The following CSMD1 variants were observed in gnomAD, a reference collection of about 807,000 sequenced individuals.
CSMD1 encodes the protein CUB and Sushi multiple domains 1, also known as CUB and sushi domain-containing protein 1.
CSMD1 carries 213 observed loss-of-function variants against 417.5 expected under a neutral mutation model. The ratio of observed to expected loss-of-function variants is 0.51; its 90% CI spans 0.46 to 0.57. The LOEUF (loss-of-function observed/expected upper bound fraction) is 0.57, where lower values mean the gene tolerates loss of function less well. Among genes scored for constraint, CSMD1 ranks in the 20% least tolerant of loss-of-function variants. The pLI is 0.00. For synonymous variants in CSMD1, 2,862 were observed against 1,736.8 expected (o/e 1.65, Z -16.11); for missense variants, 6,923 against 4,529.7 (o/e 1.53, Z -15.17).
chr8:4,491,283 G>A (rs986565410), intron 2 of CSMD1, among the ~76,000 whole-genome samples: 2 of 152,142 alleles, frequency 1.3e-5, no homozygotes, highest in Non-Finnish European at 2.9e-5. Flanking sequence ...AAGATCCCAA[G>A]AGGAGATGCC....
intron 3 of CSMD1, among the ~76,000 whole-genome samples, chr8:4,159,955 G>C (rs207468916): frequency 6.6e-6 from 1 of 151,996 alleles, no homozygotes; most frequent in African/African-American, 2.4e-5. Flanking sequence ...GGTGGGAGGG[G>C]GTGAGGGATA....
At chr8:4,227,456 G>A (rs938439195) in intron 3 of CSMD1, among the ~76,000 whole-genome samples, 1 of 152,060 alleles carries the variant, frequency 6.6e-6, no homozygotes, top group Non-Finnish European at 1.5e-5. Context: ...ATGACATTCA[G>A]AACAAGAAAA....
chr8:3,810,050 C>T (rs1287537794), intron 5 of CSMD1, among the ~76,000 whole-genome samples: 5 of 152,176 alleles, frequency 3.3e-5, no homozygotes, highest in Non-Finnish European at 5.9e-5. Flanking sequence ...TCCTCTGTCA[C>T]ACCTACATAT....
At chr8:4,358,735 G>GA (rs1801579294) in intron 3 of CSMD1, among the ~76,000 whole-genome samples, 1 of 149,768 alleles carries the variant, frequency 6.7e-6, no homozygotes, top group Non-Finnish European at 1.5e-5. Context: ...TATCTCTCAA[G>GA]ATAAGTGTAT....
At chr8:4,482,463 T>C (rs565538734) in intron 2 of CSMD1, among the ~76,000 whole-genome samples, 4 of 152,354 alleles carry the variant, frequency 2.6e-5, no homozygotes, top group Admixed American at 2.6e-4. Context: ...CCATGGTGTG[T>C]ATGTACCATA....
chr8:4,179,026 C>T (rs1028235083), intron 3 of CSMD1, among the ~76,000 whole-genome samples: 5 of 152,074 alleles, frequency 3.3e-5, no homozygotes, highest in Non-Finnish European at 1.5e-5. Flanking sequence ...ACATTCAATG[C>T]CATCCCCATC....
At chr8:3,409,639 A>C (rs762417923) in intron 12 of CSMD1, 34 bp from the exon 13 acceptor site, 31 of 1,487,516 alleles carry the variant, frequency 2.1e-5, no homozygotes, top group Middle Eastern at 1.9e-4. Flanking sequence ...CCCTTAAAAA[A>C]ACACACACAA....
intron 2 of CSMD1, among the ~76,000 whole-genome samples, chr8:4,572,637 G>C (rs1370193567): frequency 6.6e-6 from 1 of 152,146 alleles, no homozygotes; most frequent in Non-Finnish European, 1.5e-5. Flanking sequence ...GGTGTTCTCT[G>C]TATTTCCTGA....
chr8:3,141,235 C>G (rs1818420422), intron 41 of CSMD1, among the ~76,000 whole-genome samples: 1 of 152,070 alleles, frequency 6.6e-6, no homozygotes, highest in African/African-American at 2.4e-5. Context: ...CCTCATCATC[C>G]CCTGTGCGTC....
intron 5 of CSMD1, among the ~76,000 whole-genome samples, chr8:3,779,872 A>G (rs995296804): frequency 2.0e-5 from 3 of 152,174 alleles, no homozygotes; most frequent in African/African-American, 7.2e-5. Flanking sequence ...TATTTTGAAA[A>G]TTTAGTTTCA....
At chr8:3,443,794 G>A (rs936456186) in intron 12 of CSMD1, among the ~76,000 whole-genome samples, 2 of 152,188 alleles carry the variant, frequency 1.3e-5, no homozygotes, top group African/African-American at 2.4e-5. Context: ...GACATGAAGT[G>A]TAAACATGAA....
chr8:4,522,051 G>T (rs189340067), intron 2 of CSMD1, among the ~76,000 whole-genome samples: 68 of 152,288 alleles, frequency 4.5e-4, no homozygotes, highest in South Asian at 1.0e-3. Context: ...GTTTGGCTGT[G>T]TCCCCACCCA....
chr8:4,469,867 C>CT lies in CSMD1; in HGVS notation c.303-49803_303-49802insA, dbSNP rs1800422287. ...CCTACGTGATCTGGCCTTTGGTTTT[C>CT]CTTTTTTTTTTTTTATTTGAGACGG... On this transcript the variant is annotated intron_variant, in intron 2 of 69. Coordinates refer to ENST00000635120, the MANE Select transcript of CSMD1 (RefSeq NM_033225.6). 1.2e-4 allele frequency among the ~76,000 whole-genome samples: 17 copies of CT among 145,144 alleles called. No homozygotes were observed. The South Asian group carries it at 3.7e-3, about 32-fold the overall frequency.
At chr8:3,694,728 G>T (rs1183140755) in intron 7 of CSMD1, among the ~76,000 whole-genome samples, 1 of 151,868 alleles carries the variant, frequency 6.6e-6, no homozygotes, top group Non-Finnish European at 1.5e-5. Context: ...GGAGGAAGCA[G>T]GTGCCATTCT....
chr8:4,235,697 T>A lies in CSMD1; in HGVS notation c.415+184256A>T, dbSNP rs137997075. 2.2e-3 allele frequency among the ~76,000 whole-genome samples: 338 copies of A among 152,322 alleles called. 1 individual carries two copies. Among genetic ancestry groups the A allele is most frequent in the African/African-American group, 7.9e-3 (329 of 41,582 alleles). On this transcript the variant is annotated intron_variant, in intron 3 of 69. Coordinates refer to ENST00000635120, the MANE Select transcript of CSMD1 (RefSeq NM_033225.6). ...CTGTTGCCATGTTTTCCTGAAGAAT[T>A]TTATTTATTCTTGTGATATGTAAGT...
intron 3 of CSMD1, among the ~76,000 whole-genome samples, chr8:4,130,289 A>C (rs900193567): frequency 2.0e-5 from 3 of 152,186 alleles, no homozygotes; most frequent in Non-Finnish European, 4.4e-5. Flanking sequence ...TTAGTTTAAC[A>C]TCTTTATTCT....
rs1376706303 is a variant in CSMD1, at chr8:4,968,232, T to TA, written c.85+26099dup. ...TAGAATCAGGGTTTTGATTCATTTT[T>TA]AAAAATTCAATTTATATTATGGAGA... On this transcript the variant is annotated intron_variant, in intron 1 of 69. Coordinates refer to ENST00000635120, the MANE Select transcript of CSMD1 (RefSeq NM_033225.6). Among the ~76,000 whole-genome samples, 4 of 149,004 alleles carry TA rather than the reference T, an allele frequency of 2.7e-5. No homozygotes were observed. In the South Asian group the frequency reaches 8.6e-4, roughly 32 times the overall value.
chr8:3,782,448 G>A (rs575637351), intron 5 of CSMD1, among the ~76,000 whole-genome samples: 109 of 152,266 alleles, frequency 7.2e-4, no homozygotes, highest in Admixed American at 1.2e-3. Flanking sequence ...CAGGACAGCA[G>A]TAATGACGCA....
At chr8:4,484,200 G>GA (rs79443875) in intron 2 of CSMD1, among the ~76,000 whole-genome samples, 1,582 of 105,150 alleles carry the variant, frequency 0.015, 13 homozygotes, top group African/African-American at 0.034. Flanking sequence ...TGGATGACAC[G>GA]AAAAAAAAAA....
Sources: gnomAD v4.1 joint callset for allele counts (sites outside exome capture counted in the v4.1 genomes callset) on GRCh38, gnomAD v4.1.1 for gene constraint, MANE v1.5 for transcripts, NCBI Gene and HGNC (gene_info 2026-07-23, HGNC 2026-07-21) for gene names.